The following MBTPS1 variants were observed in gnomAD, a reference collection of about 807,000 sequenced individuals.
MBTPS1 encodes membrane bound transcription factor peptidase, site 1, also known as membrane-bound transcription factor site-1 protease.
MBTPS1 carries 94 observed loss-of-function variants against 127.8 expected under a neutral mutation model. The observed-to-expected ratio is 0.74, with a 90% confidence interval of 0.62 to 0.87. The LOEUF (loss-of-function observed/expected upper bound fraction) is 0.87, where lower values mean the gene tolerates loss of function less well. Among genes scored for constraint, MBTPS1 ranks in the 40% least tolerant of loss-of-function variants. The probability of loss-of-function intolerance (pLI) is 0.00; values close to 1 mark genes in which losing one functional copy is unlikely to be tolerated. For synonymous variants in MBTPS1, 632 were observed against 509.4 expected (o/e 1.24, Z -3.24); for missense variants, 1,636 against 1,353.2 (o/e 1.21, Z -3.28).
Position 84,115,988 on chromosome 16 carries a change from TC to T in MBTPS1, c.-325+746del, listed in dbSNP as rs2086470628. Among the ~76,000 whole-genome samples the T allele has an allele frequency of 2.6e-5, 4 of 151,908 alleles. No homozygotes were observed. In the South Asian group the frequency reaches 8.3e-4, roughly 32 times the overall value. On this transcript the variant is annotated intron_variant, in intron 1 of 22. Transcript: ENST00000343411. ...GGAATTACTTCTCTTCTGCAAGCCC[TC>T]CTTTTCGTAGACATACAATTGGAGA...
intron 11 of MBTPS1, chr16:84,074,955 G>A: frequency 2.6e-6 from 1 of 388,678 alleles, no homozygotes; most frequent in South Asian, 5.4e-5. Flanking sequence ...ACAGTGTGAT[G>A]TGCAGGGACA....
At chr16:84,071,193 C>T (rs908395798) in intron 12 of MBTPS1, among the ~76,000 whole-genome samples, 7 of 152,186 alleles carry the variant, frequency 4.6e-5, no homozygotes, top group Admixed American at 1.3e-4. Context: ...GACAGGGACA[C>T]CAGCTGTCCC....
At chr16:84,096,813 C>T (rs1200472228) in intron 3 of MBTPS1, among the ~76,000 whole-genome samples, 1 of 152,184 alleles carries the variant, frequency 6.6e-6, no homozygotes, top group Non-Finnish European at 1.5e-5. Flanking sequence ...TTTAAGTCAA[C>T]AGCATGGGAC....
intron 7 of MBTPS1, 148 bp from the exon 8 acceptor site, chr16:84,091,090 G>A: frequency 1.5e-6 from 1 of 672,204 alleles, no homozygotes. Context: ...CTGGCAACTT[G>A]CATTTTTAGA....
At chr16:84,084,551 G>C (rs1367929078) in intron 10 of MBTPS1, among the ~76,000 whole-genome samples, 1 of 152,076 alleles carries the variant, frequency 6.6e-6, no homozygotes, top group Admixed American at 6.5e-5. Flanking sequence ...CATATACGCA[G>C]TAGGATTTGT....
At position 84,093,242 on chromosome 16, in the gene MBTPS1, T is replaced by C; in HGVS notation, c.792A>G (p.Gln264=). 6.2e-7 allele frequency: 1 copy of C among 1,614,152 alleles called. No homozygotes were observed. The highest frequency in any genetic ancestry group is 8.5e-7 in the Non-Finnish European group (1 of 1,179,982). ...AGVIASMREC[Q]GFAPDAELHI... Reference sequence around the variant, plus strand: ...GAAGTTCTGCATCTGGAGCAAATCCTTGGCACTCCCTCATGCTGGCTATCA... The same window carrying C: ...GAAGTTCTGCATCTGGAGCAAATCCCTGGCACTCCCTCATGCTGGCTATCA... The change falls in exon 6 of 23, where the codon CAA becomes CAG. Residue 264 remains glutamine (Q), a synonymous_variant. Coordinates refer to ENST00000343411, the MANE Select transcript of MBTPS1 (RefSeq NM_003791.4).
Position 84,069,949 on chromosome 16 carries a change from G to A in MBTPS1, c.1872C>T (p.Leu624=). 1 of 1,614,042 alleles carries A rather than the reference G, an allele frequency of 6.2e-7. No homozygotes were observed. Among genetic ancestry groups the A allele is most frequent in the Non-Finnish European group, 8.5e-7 (1 of 1,179,952 alleles). ...AGCGGAGGTTGTGGTACTGATCCCA[G>A]AGAACTCTCTTGCTTCGCGGGGGAG... ...IPTPPRSKRV[L]WDQYHNLRYP... is the part of the protein sequence containing the mutation. Residue 624 remains leucine (L), a synonymous_variant, in exon 14 of 23, where the codon CTC becomes CTT. Transcript: ENST00000343411.
chr16:84,093,849 TTA>T (rs1305810347), intron 4 of MBTPS1, 28 bp from the exon 5 acceptor site: 1 of 1,450,762 alleles, frequency 6.9e-7, no homozygotes, highest in African/African-American at 1.4e-5. Flanking sequence ...GCAAACACAA[TTA>T]TGTTTGAAGA....
At chr16:84,085,328 A>G (rs2086004854) in intron 9 of MBTPS1, among the ~76,000 whole-genome samples, 194 bp from the exon 10 acceptor site, 1 of 152,232 alleles carries the variant, frequency 6.6e-6, no homozygotes, top group Admixed American at 6.5e-5. Context: ...ACACTCTGGG[A>G]GGCCGAGGCA....
chr16:84,091,438 A>T (rs2086105341), intron 7 of MBTPS1, among the ~76,000 whole-genome samples: 1 of 147,306 alleles, frequency 6.8e-6, no homozygotes, highest in Non-Finnish European at 1.5e-5. Flanking sequence ...GTGAGCCAAG[A>T]CTGTGCCATT....
intron 22 of MBTPS1, 64 bp downstream of exon 22, chr16:84,055,941 G>A (rs962517775): frequency 6.4e-7 from 1 of 1,560,766 alleles, no homozygotes; most frequent in African/African-American, 1.4e-5. Context: ...TGGGGAGGGA[G>A]GGAGACTCCT....
intron 3 of MBTPS1, among the ~76,000 whole-genome samples, chr16:84,098,583 G>A (rs1037463728): frequency 3.3e-5 from 5 of 152,018 alleles, no homozygotes; most frequent in Non-Finnish European, 1.5e-5. Context: ...CTCCAGCCTG[G>A]GCAACAAGAG....
intron 16 of MBTPS1, 24 bp from the exon 17 acceptor site, chr16:84,066,637 C>G (rs765451679): frequency 1.9e-6 from 3 of 1,612,214 alleles, no homozygotes; most frequent in African/African-American, 2.7e-5. Flanking sequence ...AACAGACACA[C>G]AGGGAACAGG....
At chr16:84,080,660 TG>T (rs1031350604) in intron 11 of MBTPS1, among the ~76,000 whole-genome samples, 1 of 152,352 alleles carries the variant, frequency 6.6e-6, no homozygotes, top group East Asian at 1.9e-4. Flanking sequence ...AGGCCCATTC[TG>T]GGGGGACACA....
chr16:84,069,262 T>A (rs1198567213), intron 14 of MBTPS1, among the ~76,000 whole-genome samples: 24 of 152,180 alleles, frequency 1.6e-4, no homozygotes, highest in Non-Finnish European at 1.5e-5. Flanking sequence ...TCAGCCCAGC[T>A]GCCCTGCAGG....
chr16:84,077,897 T>A (rs758537023), intron 11 of MBTPS1, among the ~76,000 whole-genome samples: 2 of 151,102 alleles, frequency 1.3e-5, no homozygotes, highest in East Asian at 3.9e-4. Context: ...AAAAACCCCA[T>A]TGAAAAAGAA....
At chr16:84,063,734 G>A (rs1266668219) in intron 18 of MBTPS1, among the ~76,000 whole-genome samples, 1 of 151,922 alleles carries the variant, frequency 6.6e-6, no homozygotes, top group African/African-American at 2.4e-5. Flanking sequence ...CAATTGCAAA[G>A]GTGCTGCCTC....
chr16:84,088,636 G>A (rs1050355643), intron 8 of MBTPS1, among the ~76,000 whole-genome samples: 8 of 152,192 alleles, frequency 5.3e-5, no homozygotes, highest in African/African-American at 1.2e-4. Flanking sequence ...AAGGAGGGAC[G>A]TGAGGCTGCA....
At chr16:84,067,279 T>A (rs1409276118) in intron 16 of MBTPS1, among the ~76,000 whole-genome samples, 3 of 152,184 alleles carry the variant, frequency 2.0e-5, no homozygotes, top group South Asian at 2.1e-4. Flanking sequence ...ACAGTACTCA[T>A]ACTCAATAAA....
Sources: allele counts gnomAD v4.1 joint callset (sites outside exome capture counted in the v4.1 genomes callset), GRCh38; gene constraint gnomAD v4.1.1; transcripts MANE v1.5; gene names NCBI Gene and HGNC (gene_info 2026-07-23, HGNC 2026-07-21).